EFCAB8: variants seen among roughly 807,000 people sequenced by gnomAD.
The protein encoded by EFCAB8 is EF-hand calcium-binding domain-containing protein 8.
EFCAB8 carries 100 observed loss-of-function variants against 116.3 expected under a neutral mutation model. That is an observed-to-expected ratio of 0.86 (90% confidence interval 0.73 to 1.02). The LOEUF (loss-of-function observed/expected upper bound fraction) is 1.02, where lower values mean the gene tolerates loss of function less well. EFCAB8 is among the 50% of genes least tolerant of loss of function. The pLI, the probability that EFCAB8 is intolerant of heterozygous loss-of-function variation, is 0.00. For synonymous variants in EFCAB8, 558 were observed against 567.9 expected (o/e 0.98, Z 0.25); for missense variants, 1,320 against 1,416.9 (o/e 0.93, Z 1.10).
Position 32,875,983 on chromosome 20 carries a change from A to G in EFCAB8, c.266A>G (p.Asp89Gly). 1 of 1,552,166 alleles carries G rather than the reference A, an allele frequency of 6.4e-7. No homozygotes were observed. Among genetic ancestry groups the G allele is most frequent in the Non-Finnish European group, 8.7e-7 (1 of 1,147,098 alleles). The change falls in exon 4 of 27, where the codon GAC (aspartate) becomes GGC (glycine). Residue 89 changes from aspartate to glycine, a missense_variant. Physicochemically the swap from Asp to Gly is moderately conservative, Grantham distance 94. Coordinates refer to ENST00000400522, the MANE Select transcript of EFCAB8 (RefSeq NM_001143967.2). ...AAGAAGGTTCTGAGCAGTGTGTCGG[A>G]CGAGATGCTAAAGGAGCTGTTTTTG... ...AMKKVLSSVS[D>G]EMLKELFLKV...
chr20:32,883,567 A>G (rs1985450726), intron 5 of EFCAB8, among the ~76,000 whole-genome samples: 1 of 152,250 alleles, frequency 6.6e-6, no homozygotes, highest in Non-Finnish European at 1.5e-5. Context: ...CTAATTAGAT[A>G]TAGTGTTCAT....
intron 23 of EFCAB8, among the ~76,000 whole-genome samples, chr20:32,956,292 T>A (rs1988962833): frequency 6.6e-6 from 1 of 152,136 alleles, no homozygotes; most frequent in African/African-American, 2.4e-5. Context: ...GTCATTATTA[T>A]TTCTTTCAGC....
At chr20:32,868,216 G>A (rs1177326392) in intron 3 of EFCAB8, among the ~76,000 whole-genome samples, 3 of 152,008 alleles carry the variant, frequency 2.0e-5, no homozygotes, top group Non-Finnish European at 4.4e-5. Flanking sequence ...ATGCCACCAT[G>A]CCTGGCTAAT....
At chr20:32,875,832 C>T in intron 3 of EFCAB8, 94 bp from the exon 4 acceptor site, 2 of 1,115,370 alleles carry the variant, frequency 1.8e-6, no homozygotes, top group Non-Finnish European at 2.6e-6. Context: ...TCAGTGTGTC[C>T]CCCTCAGCAC....
At chr20:32,921,864 T>C (rs1292389662) in intron 20 of EFCAB8, among the ~76,000 whole-genome samples, 2 of 146,332 alleles carry the variant, frequency 1.4e-5, no homozygotes, top group Non-Finnish European at 3.0e-5. Flanking sequence ...GGAGTCTTGC[T>C]CTGTCACCCA....
chr20:32,913,871 T>C (rs990573195), intron 17 of EFCAB8, among the ~76,000 whole-genome samples: 1 of 152,266 alleles, frequency 6.6e-6, no homozygotes, highest in Non-Finnish European at 1.5e-5. Flanking sequence ...CTCTTTGGCT[T>C]GCTGCCCTGC....
At chr20:32,873,686 A>C (rs1458167353) in intron 3 of EFCAB8, among the ~76,000 whole-genome samples, 1 of 151,528 alleles carries the variant, frequency 6.6e-6, no homozygotes, top group Non-Finnish European at 1.5e-5. Context: ...AACATGATGA[A>C]ACCCCATCTC....
chr20:32,915,797 G>A (rs888347205), intron 17 of EFCAB8, among the ~76,000 whole-genome samples: 3 of 151,700 alleles, frequency 2.0e-5, no homozygotes, highest in Non-Finnish European at 2.9e-5. Flanking sequence ...TCTGCTTCCC[G>A]GGTAGCTGGG....
At chr20:32,948,540 G>GAAAA (rs2146297091) in intron 23 of EFCAB8, among the ~76,000 whole-genome samples, 1 of 133,604 alleles carries the variant, frequency 7.5e-6, no homozygotes, top group African/African-American at 3.0e-5. Context: ...AAGAAAGAAA[G>GAAAA]AAAGAAAGAA....
chr20:32,941,344 T>TA (rs1392993405), intron 22 of EFCAB8, among the ~76,000 whole-genome samples: 1 of 149,410 alleles, frequency 6.7e-6, no homozygotes, highest in African/African-American at 2.5e-5. Context: ...AGTGTAGACT[T>TA]ACCATATTAC....
chr20:32,882,942 G>T (rs922250650), intron 5 of EFCAB8, among the ~76,000 whole-genome samples: 2 of 151,926 alleles, frequency 1.3e-5, no homozygotes, highest in Non-Finnish European at 2.9e-5. Flanking sequence ...TGATCTGCCC[G>T]CCTCGGCCTC....
In EFCAB8 at chr20:32,859,004, A is replaced by G. The variant is rs1387045602; in HGVS notation, c.-13A>G. 2 of 471,172 alleles carry G rather than the reference A, an allele frequency of 4.2e-6. No individual in the cohort carries two copies. Among genetic ancestry groups the G allele is most frequent in the Non-Finnish European group, 8.8e-6 (2 of 227,050 alleles). 29.2% of individuals were successfully genotyped at this position (471,172 alleles called of 1,614,324 possible). A position where few individuals can be genotyped will look rare whatever the true frequency, so the allele number is the denominator to read the frequency against. ...TTAACTGAGGAGATCAAATTGAGTC[A>G]GGGTGAGTGAGGGTTTTAGGTGAAA... On this transcript the variant is annotated splice_region_variant and 5_prime_UTR_variant, in exon 1 of 27. Transcript: ENST00000400522.
chr20:32,932,030 T>C (rs749265426), intron 22 of EFCAB8, among the ~76,000 whole-genome samples: 2 of 152,168 alleles, frequency 1.3e-5, no homozygotes, highest in Non-Finnish European at 2.9e-5. Context: ...AGGTTGGCAG[T>C]GCTCTGCTTC....
At chr20:32,894,835 G>A (rs1986081692) in intron 9 of EFCAB8, among the ~76,000 whole-genome samples, 1 of 152,218 alleles carries the variant, frequency 6.6e-6, no homozygotes, top group Admixed American at 6.5e-5. Context: ...GAGACAGGCA[G>A]GTAAACTGAT....
At chr20:32,875,506 T>C (rs1255299143) in intron 3 of EFCAB8, among the ~76,000 whole-genome samples, 1 of 136,140 alleles carries the variant, frequency 7.3e-6, no homozygotes, top group Non-Finnish European at 1.7e-5. Flanking sequence ...ATGGTGGTTT[T>C]TTTTTTTTTT....
chr20:32,959,051 T>C (rs918974619), intron 24 of EFCAB8, among the ~76,000 whole-genome samples: 1 of 152,208 alleles, frequency 6.6e-6, no homozygotes, highest in African/African-American at 2.4e-5. Flanking sequence ...GCATCTTTAT[T>C]CCTGACCAAG....
intron 23 of EFCAB8, among the ~76,000 whole-genome samples, chr20:32,946,060 C>T (rs1161639015): frequency 6.6e-6 from 1 of 152,194 alleles, no homozygotes; most frequent in Non-Finnish European, 1.5e-5. Flanking sequence ...AAATCTGCCT[C>T]CTCAAGGAGA....
At chr20:32,958,046 A>C (rs1989027736) in intron 23 of EFCAB8, among the ~76,000 whole-genome samples, 1 of 151,778 alleles carries the variant, frequency 6.6e-6, no homozygotes, top group Non-Finnish European at 1.5e-5. Context: ...TCCTTCCCCC[A>C]CCACCCCAAA....
intron 2 of EFCAB8, among the ~76,000 whole-genome samples, chr20:32,864,135 C>G (rs901847780): frequency 2.0e-5 from 3 of 151,986 alleles, no homozygotes; most frequent in Non-Finnish European, 2.9e-5. Flanking sequence ...TGCCACCATG[C>G]CCAGCTAATT....
Sources: allele counts gnomAD v4.1 joint callset (sites outside exome capture counted in the v4.1 genomes callset), GRCh38; gene constraint gnomAD v4.1.1; transcripts MANE v1.5; gene names NCBI Gene and HGNC (gene_info 2026-07-23, HGNC 2026-07-21).